PSMD14: variants seen among roughly 807,000 people sequenced by gnomAD.
PSMD14 encodes the protein proteasome 26S subunit, non-ATPase 14.
PSMD14 carries 7 observed loss-of-function variants against 41.2 expected under a neutral mutation model. The ratio of observed to expected loss-of-function variants is 0.17; its 90% CI spans 0.10 to 0.32. The LOEUF (loss-of-function observed/expected upper bound fraction) is 0.32. Among genes scored for constraint, PSMD14 ranks in the 10% least tolerant of loss-of-function variants. PSMD14 has a pLI of 1.00. For missense variants in PSMD14, 139 were observed against 375.6 expected (o/e 0.37, Z 5.21); for synonymous variants, 114 against 122.3 (o/e 0.93, Z 0.45).
intron 9 of PSMD14, among the ~76,000 whole-genome samples, chr2:161,392,724 G>A (rs770133543): frequency 6.6e-6 from 1 of 152,044 alleles, no homozygotes; most frequent in Non-Finnish European, 1.5e-5. Flanking sequence ...GCCTGCCTGT[G>A]TACCACAGTT....
At chr2:161,355,560 CTTTTTTTCTTTT>C in intron 3 of PSMD14, among the ~76,000 whole-genome samples, 1 of 151,832 alleles carries the variant, frequency 6.6e-6, no homozygotes, top group African/African-American at 2.4e-5. Context: ...TTTTGTCTTT[CTTTTTTTCTTTT>C]AAAGAATTAA....
intron 3 of PSMD14, among the ~76,000 whole-genome samples, chr2:161,335,651 T>C (rs1204980046): frequency 2.0e-5 from 3 of 152,270 alleles, no homozygotes; most frequent in African/African-American, 4.8e-5. Context: ...TTGTTTCTTA[T>C]CTTTTGATTT....
chr2:161,319,259 C>T (rs2105230908), intron 3 of PSMD14, among the ~76,000 whole-genome samples: 1 of 152,054 alleles, frequency 6.6e-6, no homozygotes, highest in Non-Finnish European at 1.5e-5. Context: ...AGAAAACTGA[C>T]CCATAGAATG....
At chr2:161,321,144 C>T (rs1682578041) in intron 3 of PSMD14, among the ~76,000 whole-genome samples, 1 of 152,164 alleles carries the variant, frequency 6.6e-6, no homozygotes, top group African/African-American at 2.4e-5. Context: ...GCCCTTCTCT[C>T]CAAAAATCAG....
At chr2:161,322,283 G>T (rs1333800642) in intron 3 of PSMD14, among the ~76,000 whole-genome samples, 1 of 152,096 alleles carries the variant, frequency 6.6e-6, no homozygotes, top group Non-Finnish European at 1.5e-5. Context: ...TTTTTATGTT[G>T]TTTCCAAGAG....
At chr2:161,375,075 ACT>A (rs1683485457) in intron 7 of PSMD14, among the ~76,000 whole-genome samples, 1 of 152,020 alleles carries the variant, frequency 6.6e-6, no homozygotes, top group Non-Finnish European at 1.5e-5. Context: ...TGATCAAAAC[ACT>A]CAATGGACTT....
rs34015300 is a variant in PSMD14, at chr2:161,315,841, CTT to C, written c.-137-578_-137-577del. ...AATATAAGTAAATTTTTATTTTATTCTTTTTTTTTTTTTTTTTTTGAGACCGA... is the reference window on the plus strand; with the variant it reads ...AATATAAGTAAATTTTTATTTTATTCTTTTTTTTTTTTTTTTTGAGACCGA... On this transcript the variant is annotated intron_variant, in intron 1 of 11. Coordinates refer to ENST00000409682, the MANE Select transcript of PSMD14 (RefSeq NM_005805.6). Among the ~76,000 whole-genome samples, 597 of 96,754 alleles carry C rather than the reference CTT, an allele frequency of 6.2e-3. 6 individuals carry two copies. The highest frequency in any genetic ancestry group is 0.02 in the African/African-American group (492 of 24,590). 63.5% of individuals were successfully genotyped at this position (96,754 alleles called of 152,430 possible).
chr2:161,361,264 A>G (rs1459423680), intron 3 of PSMD14, among the ~76,000 whole-genome samples: 1 of 152,242 alleles, frequency 6.6e-6, no homozygotes, highest in Non-Finnish European at 1.5e-5. Context: ...AATATGTTCA[A>G]TTCTATGGTG....
chr2:161,312,408 T>G (rs1689099229), intron 1 of PSMD14, among the ~76,000 whole-genome samples: 1 of 152,128 alleles, frequency 6.6e-6, no homozygotes, highest in South Asian at 2.1e-4. Context: ...CCTCCCAGAG[T>G]GCTGGGATTA....
chr2:161,384,209 A>C (rs1683605474), intron 7 of PSMD14: 1 of 151,700 alleles, frequency 6.6e-6, no homozygotes, highest in Non-Finnish European at 1.5e-5. Flanking sequence ...TTGATATTGT[A>C]GGCCGAATGA....
chr2:161,408,567 C>T (rs1683984533), intron 10 of PSMD14: 2 of 369,056 alleles, frequency 5.4e-6, no homozygotes, highest in South Asian at 2.6e-5. Context: ...TAACAGTTTG[C>T]AAATGGTCAA....
chr2:161,399,496 G>C (rs1321197427), intron 10 of PSMD14, among the ~76,000 whole-genome samples: 1 of 151,968 alleles, frequency 6.6e-6, no homozygotes, highest in Non-Finnish European at 1.5e-5. Context: ...GTGGTGTTTG[G>C]TTCCATGAGT....
intron 5 of PSMD14, among the ~76,000 whole-genome samples, chr2:161,368,673 C>T (rs140984065): frequency 1.5e-3 from 226 of 152,036 alleles, no homozygotes; most frequent in African/African-American, 4.4e-3. Flanking sequence ...TTTTTCCAAG[C>T]GATATTTCTT....
At position 161,374,686 on chromosome 2, in the gene PSMD14, T is replaced by C. The variant is rs113225938; in HGVS notation, c.462+3364T>C. On this transcript the variant is annotated intron_variant, in intron 7 of 11. Coordinates refer to ENST00000409682, the MANE Select transcript of PSMD14 (RefSeq NM_005805.6). ...GTTCTCAAGTGGCACAGTGGGGACC[T>C]CCTGCTGAATGTTGTATTATCTTGT... Among the ~76,000 whole-genome samples the C allele has an allele frequency of 2.8e-4, 43 of 152,122 alleles. 1 individual carries two copies. The highest frequency in any genetic ancestry group is 1.0e-3 in the African/African-American group (43 of 41,534).
rs1683685764 is a variant in PSMD14 at position 161,389,889 on chromosome 2, G to GCTGTTTTTTT, written c.571-1215_571-1214insCTGTTTTTTT. On this transcript the variant is annotated intron_variant, in intron 8 of 11. Transcript: ENST00000409682. ...TGTCTTATTTTCTTTCTTTTTTGTT[G>GCTGTTTTTTT]TTTTTTTTTTTTTTTTTTTTTTTAG... Among the ~76,000 whole-genome samples the GCTGTTTTTTT allele has an allele frequency of 1.0e-3, 20 of 20,046 alleles. 1 individual carries two copies. The highest frequency in any genetic ancestry group is 3.1e-3 in the African/African-American group (20 of 6,554). 13.2% of individuals were successfully genotyped at this position (20,046 alleles called of 152,430 possible).
intron 3 of PSMD14, among the ~76,000 whole-genome samples, chr2:161,361,643 A>G (rs1416085920): frequency 6.6e-6 from 1 of 152,230 alleles, no homozygotes; most frequent in East Asian, 1.9e-4. Context: ...AAATGAACAA[A>G]TAGTAAAGAA....
At chr2:161,331,214 T>C (rs965703256) in intron 3 of PSMD14, among the ~76,000 whole-genome samples, 1 of 152,176 alleles carries the variant, frequency 6.6e-6, no homozygotes, top group African/African-American at 2.4e-5. Flanking sequence ...GTTATTGTAT[T>C]CATTTCCTGA....
intron 7 of PSMD14, 112 bp downstream of exon 7, chr2:161,371,434 T>G (rs1278236529): frequency 1.8e-6 from 2 of 1,141,460 alleles, no homozygotes; most frequent in Non-Finnish European, 2.4e-6. Flanking sequence ...AGAAAGCTGC[T>G]GTCTGTTTAC....
chr2:161,393,611 C>T (rs767865859), intron 9 of PSMD14, among the ~76,000 whole-genome samples: 62 of 152,262 alleles, frequency 4.1e-4, no homozygotes, highest in Non-Finnish European at 7.8e-4. Context: ...CCATATACCT[C>T]CAAGTACATC....
Sources: gnomAD v4.1 joint callset for allele counts (sites outside exome capture counted in the v4.1 genomes callset) on GRCh38, gnomAD v4.1.1 for gene constraint, MANE v1.5 for transcripts, NCBI Gene and HGNC (gene_info 2026-07-23, HGNC 2026-07-21) for gene names.